Variants in DHCR7 observed in about 807,000 individuals in gnomAD.
DHCR7 encodes 7-dehydrocholesterol reductase.
DHCR7 carries 40 observed loss-of-function variants against 43.3 expected under a neutral mutation model. The ratio of observed to expected loss-of-function variants is 0.92; its 90% CI spans 0.72 to 1.20. DHCR7 has a LOEUF of 1.20. Among genes scored for constraint, DHCR7 ranks in the 50% most tolerant of loss-of-function variants. The probability of loss-of-function intolerance (pLI) is 0.00; values close to 1 mark genes in which losing one functional copy is unlikely to be tolerated. For synonymous variants in DHCR7, 298 were observed against 271.4 expected, an observed-to-expected ratio of 1.10 and a Z score of -0.96; for missense variants, 608 against 644.6, an observed-to-expected ratio of 0.94 and a Z score of 0.62.
At chr11:71,431,685 C>T (rs1443709672), downstream of DHCR7, among the ~76,000 whole-genome samples, 2 of 152,150 alleles carry the variant, frequency 1.3e-5, no homozygotes, top group African/African-American at 2.4e-5. Flanking sequence ...TACTATAATC[C>T]TGCAGAAGTG....
intron 5 of DHCR7, 41 bp downstream of exon 5, chr11:71,442,222 T>G: frequency 2.7e-6 from 4 of 1,456,600 alleles, no homozygotes; most frequent in Non-Finnish European, 3.8e-6. Flanking sequence ...GAGAAAGGGA[T>G]GAGAACGGGA....
downstream of DHCR7, among the ~76,000 whole-genome samples, chr11:71,431,697 TG>T (rs1179902313): frequency 6.6e-6 from 1 of 152,192 alleles, no homozygotes; most frequent in Non-Finnish European, 1.5e-5. Flanking sequence ...GCAGAAGTGT[TG>T]CTGAAAAATA....
downstream of DHCR7, among the ~76,000 whole-genome samples, chr11:71,430,735 A>C: frequency 6.6e-6 from 1 of 152,210 alleles, no homozygotes; most frequent in East Asian, 1.9e-4. Flanking sequence ...GGAGCTAGAG[A>C]GGGGCCAGGA....
In DHCR7 at chr11:71,435,166, G is replaced by A. The variant is rs942849466; in HGVS notation, c.*209C>T. The A allele has an allele frequency of 4.3e-6, 3 of 701,126 alleles. No individual in the cohort carries two copies. Among genetic ancestry groups the A allele is most frequent in the Admixed American group, 4.0e-5 (2 of 49,762 alleles). The allele number at this position is 701,126 out of a possible 1,614,324, so 43.4% of individuals were successfully genotyped here. On this transcript the variant is annotated 3_prime_UTR_variant, in exon 9 of 9. Transcript: ENST00000355527. The stretch of plus-strand genomic sequence containing the variant: ...GAAAATCCGTCTGTGCTGGCAATAC[G>A]GCAGTGCTGGACACTCGGAATTCCC...
At chr11:71,432,311 A>G (rs1210847569), downstream of DHCR7, among the ~76,000 whole-genome samples, 2 of 152,356 alleles carry the variant, frequency 1.3e-5, no homozygotes, top group East Asian at 3.9e-4. Flanking sequence ...AAGTTTGCCA[A>G]TGTGATCAAG....
At position 71,446,809 on chromosome 11, in the gene DHCR7, G is replaced by A. The variant is rs142898778; in HGVS notation, c.-7+801C>T. ...GAAGAGTTCTTGATAGGAAGAGACC[G>A]TGTCTCTCTCCGGCCCCAAATACTG... On this transcript the variant is annotated intron_variant, in intron 2 of 8. Coordinates refer to ENST00000355527, the MANE Select transcript of DHCR7 (RefSeq NM_001360.3). Among the ~76,000 whole-genome samples the A allele has an allele frequency of 3.9e-3, 595 of 152,354 alleles. 6 individuals carry two copies. Among genetic ancestry groups the A allele is most frequent in the African/African-American group, 0.013 (557 of 41,588 alleles).
chr11:71,438,035 G>A (rs1949306904), intron 7 of DHCR7, 92 bp from the exon 8 acceptor site: 3 of 1,486,460 alleles, frequency 2.0e-6, no homozygotes, highest in Non-Finnish European at 2.8e-6. Context: ...ATGCAGCAGG[G>A]GGTGCTCGGG....
At chr11:71,429,781 G>A (rs1018311465), downstream of DHCR7, among the ~76,000 whole-genome samples, 1 of 152,254 alleles carries the variant, frequency 6.6e-6, no homozygotes, top group African/African-American at 2.4e-5. Flanking sequence ...TGTGAGCCAG[G>A]TGGACTTGCC....
intron 5 of DHCR7, 41 bp downstream of exon 5, chr11:71,442,222 T>C (rs776591142): frequency 2.3e-5 from 34 of 1,456,484 alleles, no homozygotes; most frequent in Non-Finnish European, 3.3e-5. Context: ...GAGAAAGGGA[T>C]GAGAACGGGA....
intron 2 of DHCR7, among the ~76,000 whole-genome samples, chr11:71,446,260 GAAAAAA>G (rs57679336): frequency 1.5e-5 from 1 of 65,940 alleles, no homozygotes; most frequent in African/African-American, 6.5e-5. Context: ...CTTACCAAAT[GAAAAAA>G]AAAAAAAAAA....
At chr11:71,436,650 G>A (rs142031282) in intron 8 of DHCR7, among the ~76,000 whole-genome samples, 1,568 of 131,948 alleles carry the variant, frequency 0.012, 15 homozygotes, top group Non-Finnish European at 0.018. Context: ...GTGACAGAGC[G>A]AGACTCCGTC....
rs377334354 is a variant in DHCR7, at chr11:71,442,395, C to T, written c.322-42G>A. The T allele has an allele frequency of 5.5e-6, 8 of 1,446,964 alleles. No individual in the cohort carries two copies. The African/African-American group carries it at 8.4e-5, about 15-fold the overall frequency. The allele number at this position is 1,446,964 out of a possible 1,614,324, so 89.6% of individuals were successfully genotyped here. A position where few individuals can be genotyped will look rare whatever the true frequency, so the allele number is the denominator to read the frequency against. On this transcript the variant is annotated intron_variant, in intron 4 of 8. Coordinates refer to ENST00000355527, the MANE Select transcript of DHCR7 (RefSeq NM_001360.3). ...GCCTGATCACCCCCCGCCTGGAGGG[C>T]ACCTGCAAAGGGGGACGCATAGCAG...
At chr11:71,444,352 C>CG (rs1949383188) in intron 3 of DHCR7, 137 bp from the exon 4 acceptor site, 3 of 732,642 alleles carry the variant, frequency 4.1e-6, no homozygotes, top group South Asian at 1.5e-5. Context: ...GCTCCTAGCA[C>CG]GGGCCCTCCT....
At chr11:71,448,886 G>C (rs1159103725), upstream of DHCR7, 1 of 152,492 alleles carries the variant, frequency 6.6e-6, no homozygotes, top group African/African-American at 2.4e-5. Context: ...AAACGATCAG[G>C]TAAACACATG....
rs766729387 is a variant in DHCR7, at chr11:71,442,614, T to C, written c.322-261A>G. On this transcript the variant is annotated intron_variant, in intron 4 of 8. Transcript: ENST00000355527. ...AGCGCACAGGTCCCTCCCAGTCACC[T>C]TTTTAAAATGGAGAATCCCATAAAA... Among the ~76,000 whole-genome samples the C allele has an allele frequency of 1.7e-4, 26 of 152,268 alleles. 1 individual carries two copies. The Middle Eastern group carries it at 0.017, about 100-fold the overall frequency.
intron 8 of DHCR7, chr11:71,436,076 C>A (rs899723180): frequency 5.4e-6 from 3 of 560,366 alleles, no homozygotes; most frequent in African/African-American, 1.9e-5. Flanking sequence ...TGTATATATA[C>A]CCCCTATATA....
intron 4 of DHCR7, among the ~76,000 whole-genome samples, chr11:71,442,941 A>G (rs908901307): frequency 2.6e-5 from 4 of 152,214 alleles, no homozygotes; most frequent in Non-Finnish European, 5.9e-5. Flanking sequence ...ATGTTGTTCC[A>G]ATCTCCGGTC....
chr11:71,437,707 C>G, intron 8 of DHCR7, 105 bp downstream of exon 8: 1 of 1,507,028 alleles, frequency 6.6e-7, no homozygotes, highest in Non-Finnish European at 9.0e-7. Context: ...TTCCTAGAAA[C>G]AGGGGGCAGC....
At position 71,438,867 on chromosome 11, in the gene DHCR7, C is replaced by T; in HGVS notation, c.831+12G>A. On this transcript the variant is annotated intron_variant, in intron 7 of 8. Coordinates refer to ENST00000355527, the MANE Select transcript of DHCR7 (RefSeq NM_001360.3). ...GCATCGGCGTTTCACCCTCTCCAGC[C>T]ATGACAGGCACCTGCAGGACGTTGA... is the stretch of plus-strand genomic sequence containing the variant. 1 of 1,613,540 alleles carries T rather than the reference C, an allele frequency of 6.2e-7. No homozygotes were observed. Among genetic ancestry groups the T allele is most frequent in the Non-Finnish European group, 8.5e-7 (1 of 1,179,924 alleles).
Sources: allele counts gnomAD v4.1 joint callset (sites outside exome capture counted in the v4.1 genomes callset), GRCh38; gene constraint gnomAD v4.1.1; transcripts MANE v1.5; gene names NCBI Gene and HGNC (gene_info 2026-07-23, HGNC 2026-07-21).